Variants in ENKD1 observed in about 807,000 individuals in gnomAD.
ENKD1 encodes enkurin domain-containing protein 1.
In ENKD1, 39 loss-of-function variants were observed where a neutral mutation model predicts 35.8. The ratio of observed to expected loss-of-function variants is 1.09; its 90% confidence interval spans 0.84 to 1.42. ENKD1 has a LOEUF of 1.42. Ranked by LOEUF, ENKD1 falls within the 40% of genes most tolerant of loss-of-function variation. ENKD1 has a pLI of 0.00. For missense variants in ENKD1, 474 were observed against 471.3 expected, an observed-to-expected ratio of 1.01 and a Z score of -0.05; for synonymous variants, 205 against 198.6, an observed-to-expected ratio of 1.03 and a Z score of -0.27.
At position 67,663,470 on chromosome 16, in the gene ENKD1, G is replaced by A. The variant is rs200151482; in HGVS notation, c.830C>T (p.Thr277Met). 9.3e-6 allele frequency: 15 copies of A among 1,613,236 alleles called. No homozygotes were observed. The East Asian group carries it at 1.1e-4, about 12-fold the overall frequency. ...CAGCCGCTGGTTCTCAGGCATGCGC[G>A]TGTGGCCTGGGGGCATGGCAGGGTC... ...QPDPAMPPGH[T>M]RMPENQRLET... The change falls in exon 6 of 7, where the codon ACG becomes ATG. Residue 277 changes from threonine (T) to methionine (M), a missense_variant. Thr to Met is a moderately conservative substitution (Grantham distance 81). Transcript: ENST00000243878.
chr16:67,666,021 T>C, intron 2 of ENKD1, 50 bp downstream of exon 2: 4 of 1,574,084 alleles, frequency 2.5e-6, no homozygotes, highest in South Asian at 2.3e-5. Context: ...TTTTGATCTC[T>C]TTCCACCCCG....
At position 67,663,297 on chromosome 16, in the gene ENKD1, A is replaced by G. The variant is rs746067376; in HGVS notation, c.905T>C (p.Leu302Pro). The change falls in exon 7 of 7, where the codon CTG becomes CCG. Residue 302 changes from leucine to proline, a missense_variant. Leu to Pro is a moderately conservative substitution (Grantham distance 98). Coordinates refer to ENST00000243878, the MANE Select transcript of ENKD1 (RefSeq NM_032140.3). Reference protein sequence around the residue: ...LQSQSQLLRELVLLPAGADSL... With the variant: ...LQSQSQLLREPVLLPAGADSL... ...GTCTGCCCCAGCAGGCAGCAGTACC[A>G]GCTCACGCAGCAGCTGGCTCTGGCC... 1 of 1,613,664 alleles carries G rather than the reference A, an allele frequency of 6.2e-7. No homozygotes were observed. The highest frequency in any genetic ancestry group is 1.1e-5 in the South Asian group (1 of 91,088).
chr16:67,666,252 G>A lies in ENKD1; in HGVS notation c.99C>T (p.Leu33=), dbSNP rs150335405. The A allele has an allele frequency of 1.9e-6, 3 of 1,604,014 alleles. No homozygotes were observed. The African/African-American group carries it at 4.0e-5, about 21-fold the overall frequency. ...YRRPTSAQGR[L]EGNALKLDLL... is the part of the protein sequence containing the mutation. The stretch of plus-strand genomic sequence containing the variant: ...AGTCCAGCTTCAGCGCGTTTCCCTC[G>A]AGGCGCCCTTGAGCTGTGGGGCGGA... The change falls in exon 2 of 7, where the codon CTC becomes CTT. Residue 33 remains leucine (L), a synonymous_variant. Coordinates refer to ENST00000243878, the MANE Select transcript of ENKD1 (RefSeq NM_032140.3).
At chr16:67,665,672 A>G (rs1325109014) in intron 2 of ENKD1, among the ~76,000 whole-genome samples, 1 of 152,148 alleles carries the variant, frequency 6.6e-6, no homozygotes, top group Non-Finnish European at 1.5e-5. Flanking sequence ...GATTTCCTCC[A>G]TTATTATAGT....
At chr16:67,663,610 C>T (rs1337758200) in intron 5 of ENKD1, 47 bp downstream of exon 5, 3 of 1,603,526 alleles carry the variant, frequency 1.9e-6, no homozygotes, top group East Asian at 2.2e-5. Context: ...TTGGTTCCCA[C>T]CCTCCACAGG....
intron 2 of ENKD1, among the ~76,000 whole-genome samples, chr16:67,665,467 C>T (rs964016651): frequency 2.6e-5 from 4 of 152,064 alleles, no homozygotes; most frequent in Non-Finnish European, 5.9e-5. Flanking sequence ...CCTCAACCTC[C>T]CCGGCTACCT....
intron 3 of ENKD1, 61 bp from the exon 4 acceptor site, chr16:67,664,123 G>A: frequency 6.8e-7 from 1 of 1,480,016 alleles, no homozygotes; most frequent in Admixed American, 2.0e-5. Context: ...CAAGCTGCAA[G>A]ACCCTGGCCA....
chr16:67,664,486 C>T, intron 3 of ENKD1: 1 of 356,176 alleles, frequency 2.8e-6, no homozygotes, highest in Non-Finnish European at 5.4e-6. Context: ...CACTCCCACC[C>T]CCTGGGAACC....
In ENKD1 at chr16:67,665,092, C is replaced by T. The variant is rs1377423129; in HGVS notation, c.357G>A (p.Glu119=). The part of the protein sequence containing the change: ...REIQKRFREQ[E]RSREQGQPRP... ...TGGGCTGGCCCTGCTCCCGGCTGCG[C>T]TCCTGTTCTCTGAAGCGCTTCTGAA... Residue 119 remains glutamate, a synonymous_variant, in exon 3 of 7, where the codon GAG becomes GAA. Transcript: ENST00000243878. The T allele has an allele frequency of 6.2e-7, 1 of 1,613,970 alleles. No homozygotes were observed. Among genetic ancestry groups the T allele is most frequent in the East Asian group, 2.2e-5 (1 of 44,882 alleles).
intron 5 of ENKD1, 45 bp downstream of exon 5, chr16:67,663,612 C>T (rs373115208): frequency 3.2e-5 from 52 of 1,603,968 alleles, no homozygotes; most frequent in Non-Finnish European, 4.2e-5. Flanking sequence ...GGTTCCCACC[C>T]TCCACAGGTG....
chr16:67,666,484 G>A lies in ENKD1; in HGVS notation c.-42C>T, dbSNP rs1281155059. On this transcript the variant is annotated 5_prime_UTR_variant, in exon 1 of 7. Transcript: ENST00000243878. ...AGCAACGGTGCCCCGAGGCCTGCAG[G>A]GCTGTTTACCTCCCTCCCCGGGCCC... The A allele has an allele frequency of 1.4e-6, 2 of 1,433,018 alleles. No individual in the cohort carries two copies. The highest frequency in any genetic ancestry group is 2.8e-5 in the South Asian group (2 of 70,602). 88.8% of individuals were successfully genotyped at this position (1,433,018 alleles called of 1,614,324 possible).
chr16:67,664,009 G>C lies in ENKD1; in HGVS notation c.507C>G (p.Ser169=). Residue 169 remains serine (S), a synonymous_variant, in exon 4 of 7, where the codon TCC becomes TCG. Coordinates refer to ENST00000243878, the MANE Select transcript of ENKD1 (RefSeq NM_032140.3). ...TESAHFLRAH[S]RCGPGLPPPH... ...GTGGTGGGAGGCCAGGGCCGCAGCG[G>C]GAGTGCGCCCGCAGGAAGTGGGCAG... is the stretch of plus-strand genomic sequence containing the variant. 1 of 1,576,700 alleles carries C rather than the reference G, an allele frequency of 6.3e-7. No individual in the cohort carries two copies. The highest frequency in any genetic ancestry group is 8.6e-7 in the Non-Finnish European group (1 of 1,160,544).
intron 3 of ENKD1, 87 bp from the exon 4 acceptor site, chr16:67,664,149 C>T: frequency 8.0e-7 from 1 of 1,244,824 alleles, no homozygotes. Flanking sequence ...GCCCTTCTGA[C>T]CTTTGCATCC....
chr16:67,664,492 G>A (rs2053074131), intron 3 of ENKD1: 2 of 351,884 alleles, frequency 5.7e-6, no homozygotes, highest in South Asian at 4.5e-5. Flanking sequence ...CACCCCCTGG[G>A]AACCCCACAG....
intron 2 of ENKD1, 26 bp downstream of exon 2, chr16:67,666,045 T>C (rs7187476): frequency 0.18 from 291,407 of 1,605,300 alleles, 36,489 homozygotes; most frequent in African/African-American, 0.64. Context: ...TGCCTCTCTG[T>C]CCCTTCTTCC....
rs1177931151 is a variant in ENKD1 at position 67,664,078 on chromosome 16, C to T, written c.454-16G>A. 8 of 1,551,848 alleles carry T rather than the reference C, an allele frequency of 5.2e-6. No individual in the cohort carries two copies. Among genetic ancestry groups the T allele is most frequent in the East Asian group, 4.8e-5 (2 of 41,270 alleles). ...GGCCAGGCTCCTGGAGGGCAGGGCACAGCAGAGAGAGCAGGCAGGCTGAGG... is the reference window on the plus strand; with the variant it reads ...GGCCAGGCTCCTGGAGGGCAGGGCATAGCAGAGAGAGCAGGCAGGCTGAGG... On this transcript the variant is annotated splice_polypyrimidine_tract_variant and intron_variant, in intron 3 of 6. Transcript: ENST00000243878.
chr16:67,666,582 G>T lies in ENKD1; in HGVS notation c.-140C>A. 1.3e-6 allele frequency: 1 copy of T among 750,208 alleles called. No homozygotes were observed. Among genetic ancestry groups the T allele is most frequent in the Non-Finnish European group, 2.0e-6 (1 of 508,778 alleles). 46.5% of individuals were successfully genotyped at this position (750,208 alleles called of 1,614,324 possible). A position where few individuals can be genotyped will look rare whatever the true frequency, so the allele number is the denominator to read the frequency against. ...GCGTGCCCGCCACTCCCGGGCCCCT[G>T]CCGGTCCCCGCCTGGGCCCCGGCCT... On this transcript the variant is annotated 5_prime_UTR_variant, in exon 1 of 7. Coordinates refer to ENST00000243878, the MANE Select transcript of ENKD1 (RefSeq NM_032140.3).
chr16:67,663,049 C>G lies in ENKD1; in HGVS notation c.*112G>C, dbSNP rs2053051787. The G allele has an allele frequency of 2.2e-6, 3 of 1,343,420 alleles. No individual in the cohort carries two copies. Among genetic ancestry groups the G allele is most frequent in the Non-Finnish European group, 3.0e-6 (3 of 986,942 alleles). The allele number at this position is 1,343,420 out of a possible 1,614,324, so 83.2% of individuals were successfully genotyped here. On this transcript the variant is annotated 3_prime_UTR_variant, in exon 7 of 7. Coordinates refer to ENST00000243878, the MANE Select transcript of ENKD1 (RefSeq NM_032140.3). ...AGAGTGCTCTAGGGACACTGGCCAC[C>G]CCCCTGCTCCTGTCTTCAGACCTCT...
rs2053085589 is a variant in ENKD1 at position 67,665,222 on chromosome 16, C to T, written c.281-54G>A. Reference sequence around the variant, plus strand: ...CCTACATGGGGCCCACACAGTCCAACTTCCACTAGTTCACACACAGGCCTG... The same window carrying T: ...CCTACATGGGGCCCACACAGTCCAATTTCCACTAGTTCACACACAGGCCTG... On this transcript the variant is annotated intron_variant, in intron 2 of 6. Transcript: ENST00000243878. The T allele has an allele frequency of 5.2e-6, 8 of 1,552,888 alleles. No homozygotes were observed. The East Asian group carries it at 1.8e-4, about 35-fold the overall frequency.
Sources: allele counts gnomAD v4.1 joint callset (sites outside exome capture counted in the v4.1 genomes callset), GRCh38; gene constraint gnomAD v4.1.1; transcripts MANE v1.5; gene names NCBI Gene and HGNC (gene_info 2026-07-23, HGNC 2026-07-21).